MYO18B: variants seen among roughly 807,000 people sequenced by gnomAD.
MYO18B encodes myosin XVIIIB.
MYO18B carries 204 observed loss-of-function variants against 273.0 expected under a neutral mutation model. The ratio of observed to expected loss-of-function variants is 0.75; its 90% CI spans 0.67 to 0.84. The LOEUF (loss-of-function observed/expected upper bound fraction) is 0.84. Ranked by LOEUF, MYO18B falls within the 40% of genes least tolerant of loss-of-function variation. The pLI is 0.00. For missense variants in MYO18B, 3,212 were observed against 3,287.6 expected (o/e 0.98, Z 0.56); for synonymous variants, 1,330 against 1,305.7 (o/e 1.02, Z -0.40).
chr22:26,007,594 A>C (rs1934539126), intron 42 of MYO18B, among the ~76,000 whole-genome samples: 1 of 152,222 alleles, frequency 6.6e-6, no homozygotes, highest in Non-Finnish European at 1.5e-5. Flanking sequence ...ATCCTACGAC[A>C]TTAAGCCCTA....
intron 27 of MYO18B, among the ~76,000 whole-genome samples, chr22:25,891,895 G>A (rs2091672272): frequency 6.6e-6 from 1 of 152,114 alleles, no homozygotes; most frequent in African/African-American, 2.4e-5. Flanking sequence ...TGGTGTGGTG[G>A]CATGCACCTG....
intron 1 of MYO18B, among the ~76,000 whole-genome samples, chr22:25,749,909 ACT>A (rs968872501): frequency 6.6e-6 from 1 of 151,922 alleles, no homozygotes; most frequent in Non-Finnish European, 1.5e-5. Flanking sequence ...GCCAGATCCA[ACT>A]CTCTGCCTGG....
chr22:25,992,554 C>G (rs1290069831), intron 40 of MYO18B, 61 bp downstream of exon 40: 1 of 1,605,214 alleles, frequency 6.2e-7, no homozygotes, highest in Non-Finnish European at 8.5e-7. Flanking sequence ...CTGGGGAGCT[C>G]TATGCCCTTT....
At chr22:25,782,503 C>T (rs1243309089) in intron 10 of MYO18B, among the ~76,000 whole-genome samples, 1 of 152,212 alleles carries the variant, frequency 6.6e-6, no homozygotes, top group Non-Finnish European at 1.5e-5. Flanking sequence ...CATCTCTGCC[C>T]TTCCCCAAAT....
chr22:25,832,044 C>T (rs1181566276), intron 15 of MYO18B, among the ~76,000 whole-genome samples: 2 of 152,016 alleles, frequency 1.3e-5, no homozygotes, highest in Admixed American at 6.6e-5. Context: ...AAATCCAAAC[C>T]ACATTGAGAC....
rs539514167 is a variant in MYO18B, at chr22:25,823,613, A to C, written c.2630A>C (p.Gln877Pro). The C allele has an allele frequency of 1.2e-5, 20 of 1,613,990 alleles. No homozygotes were observed. In the South Asian group the frequency reaches 2.2e-4, roughly 18 times the overall value. ...NTATFKHHLR[Q>P]IIQQMTFGPS... The stretch of plus-strand genomic sequence containing the variant: ...GCCACCTTCAAGCACCACCTTCGAC[A>C]GATCATCCAGCAAATGACGTTTGGG... The change falls in exon 13 of 44, where the codon CAG becomes CCG. Residue 877 changes from glutamine (Q) to proline (P), a missense_variant. By Grantham distance (76) the Gln-to-Pro change is moderately conservative. Transcript: ENST00000335473.
intron 13 of MYO18B, among the ~76,000 whole-genome samples, chr22:25,824,361 G>C (rs899767873): frequency 6.6e-6 from 1 of 152,126 alleles, no homozygotes; most frequent in Admixed American, 6.5e-5. Context: ...GATAGCATGG[G>C]CCCTAAGAGA....
At position 25,992,511 on chromosome 22, in the gene MYO18B, C is replaced by T. The variant is rs117845463; in HGVS notation, c.6287+18C>T. The T allele has an allele frequency of 2.1e-3, 3,375 of 1,613,508 alleles. 64 individuals are homozygous for T. In the South Asian group the frequency reaches 0.026, roughly 12 times the overall value. On this transcript the variant is annotated intron_variant, in intron 40 of 43. Coordinates refer to ENST00000335473, the MANE Select transcript of MYO18B (RefSeq NM_032608.7). ...ACTGAGAGGTAACTTGCTAGGGGCTCGGCGGGGCTGGGCGCAGCAGGTGGG... is the reference window on the plus strand; with the variant it reads ...ACTGAGAGGTAACTTGCTAGGGGCTTGGCGGGGCTGGGCGCAGCAGGTGGG...
chr22:25,953,211 A>G (rs1368578482), intron 38 of MYO18B, among the ~76,000 whole-genome samples: 2 of 152,206 alleles, frequency 1.3e-5, no homozygotes, highest in Non-Finnish European at 2.9e-5. Flanking sequence ...CTTACAGAAG[A>G]CATCACCATT....
intron 29 of MYO18B, among the ~76,000 whole-genome samples, chr22:25,901,761 C>A (rs904253915): frequency 6.6e-6 from 1 of 150,514 alleles, no homozygotes. Context: ...ATTTAAGGGG[C>A]CTTGACATAT....
At chr22:26,036,900 C>A in the MYO18B span, among the ~76,000 whole-genome samples, 2 of 152,118 alleles carry the variant, frequency 1.3e-5, 1 homozygote, top group East Asian at 3.9e-4. Flanking sequence ...GGAGAGAGAA[C>A]GTAACAAGGG....
rs536758433 is a variant in MYO18B at position 26,020,021 on chromosome 22, G to A, written c.6471-6424G>A. On this transcript the variant is annotated intron_variant, in intron 42 of 43. Coordinates refer to ENST00000335473, the MANE Select transcript of MYO18B (RefSeq NM_032608.7). Reference sequence around the variant, plus strand: ...TCAGCCTTCTGCCCAGTAGGTGTGTGATGTAGTGGAAGAAGAAGAATGGGA... The same window carrying A: ...TCAGCCTTCTGCCCAGTAGGTGTGTAATGTAGTGGAAGAAGAAGAATGGGA... Among the ~76,000 whole-genome samples the A allele has an allele frequency of 1.4e-4, 22 of 152,286 alleles. No homozygotes were observed. The South Asian group carries it at 4.6e-3, about 32-fold the overall frequency.
intron 39 of MYO18B, among the ~76,000 whole-genome samples, chr22:25,967,873 T>C (rs1358941937): frequency 6.6e-6 from 1 of 152,192 alleles, no homozygotes; most frequent in Non-Finnish European, 1.5e-5. Context: ...TCTTCCCAAT[T>C]CCATGCTCCA....
rs2145584757 is a variant in MYO18B, at chr22:25,768,737, G to A, written c.821G>A (p.Gly274Asp). 1 of 1,599,790 alleles carries A rather than the reference G, an allele frequency of 6.3e-7. No homozygotes were observed. The highest frequency in any genetic ancestry group is 1.7e-5 in the Admixed American group (1 of 57,756). Residue 274 changes from glycine to aspartate, a missense_variant, in exon 4 of 44, where the codon GGC (glycine) becomes GAC (aspartate). By Grantham distance (94) the Gly-to-Asp change is moderately conservative. Coordinates refer to ENST00000335473, the MANE Select transcript of MYO18B (RefSeq NM_032608.7). The stretch of plus-strand genomic sequence containing the variant: ...ACCAGGCCCCAAGCCCAAGGGCCCG[G>A]CGAGGGGGTGCGACCAGGGAAAGCA... ...QGTRPQAQGP[G>D]EGVRPGKAEK... is the part of the protein sequence containing the mutation.
intron 15 of MYO18B, among the ~76,000 whole-genome samples, chr22:25,831,927 AAAC>A (rs2089721661): frequency 6.6e-6 from 1 of 151,908 alleles, no homozygotes; most frequent in Non-Finnish European, 1.5e-5. Flanking sequence ...ATGAATAAAC[AAAC>A]AACCCCATTA....
intron 34 of MYO18B, among the ~76,000 whole-genome samples, chr22:25,926,913 A>G (rs1455420649): frequency 6.6e-6 from 1 of 152,208 alleles, no homozygotes; most frequent in Non-Finnish European, 1.5e-5. Context: ...CCAAATTAAT[A>G]CTTTTATAAT....
At chr22:26,006,330 G>A (rs947406640) in intron 42 of MYO18B, 1 of 160,600 alleles carries the variant, frequency 6.2e-6, no homozygotes, top group Non-Finnish European at 1.4e-5. Flanking sequence ...TTCATTTGCT[G>A]TACATGTTTA....
At chr22:25,844,038 T>G (rs2090163469) in intron 18 of MYO18B, 144 bp downstream of exon 18, 1 of 720,248 alleles carries the variant, frequency 1.4e-6, no homozygotes, top group South Asian at 2.7e-5. Context: ...CAAAGAACCA[T>G]AACTTGAATT....
At position 25,833,114 on chromosome 22, in the gene MYO18B, C is replaced by T. The variant is rs1345847401; in HGVS notation, c.3060+117C>T. ...AATGCCGTGTGCACCTAGAGTCACC[C>T]CGGGATCATTGGCAACGTGGATGCC... On this transcript the variant is annotated intron_variant, in intron 16 of 43. Transcript: ENST00000335473. 3.1e-5 allele frequency: 30 copies of T among 953,550 alleles called. No individual in the cohort carries two copies. In the South Asian group the frequency reaches 3.6e-4, roughly 11 times the overall value. The allele number at this position is 953,550 out of a possible 1,614,324, so 59.1% of individuals were successfully genotyped here. A position where few individuals can be genotyped will look rare whatever the true frequency, so the allele number is the denominator to read the frequency against.
Sources: allele counts gnomAD v4.1 joint callset (sites outside exome capture counted in the v4.1 genomes callset), GRCh38; gene constraint gnomAD v4.1.1; transcripts MANE v1.5; gene names NCBI Gene and HGNC (gene_info 2026-07-23, HGNC 2026-07-21).